GSE1: variants seen among roughly 807,000 people sequenced by gnomAD.
GSE1 encodes the protein Gse1 coiled-coil protein, also known as genetic suppressor element 1.
GSE1 carries 32 observed loss-of-function variants against 112.6 expected under a neutral mutation model. The observed-to-expected ratio is 0.28, with a 90% CI of 0.21 to 0.38. The LOEUF is 0.38. GSE1 is among the 10% of genes least tolerant of loss of function. The pLI is 1.00. For missense variants in GSE1, 2,348 were observed against 1,699.2 expected (o/e 1.38, Z -6.71); for synonymous variants, 1,115 against 735.6 (o/e 1.52, Z -8.35).
At chr16:85,526,892 T>C (rs1201919329) in intron 2 of GSE1, among the ~76,000 whole-genome samples, 1 of 152,204 alleles carries the variant, frequency 6.6e-6, no homozygotes, top group Non-Finnish European at 1.5e-5. Context: ...CATGGCCAAT[T>C]TTGTTCAGGA....
At chr16:85,520,365 T>C (rs1052092133) in intron 2 of GSE1, among the ~76,000 whole-genome samples, 4 of 151,050 alleles carry the variant, frequency 2.6e-5, no homozygotes, top group Admixed American at 2.6e-4. Context: ...AACATTTGGA[T>C]TGTAGCAGAC....
chr16:85,394,667 CT>C (rs1162125256), intron 2 of GSE1, among the ~76,000 whole-genome samples: 1 of 152,218 alleles, frequency 6.6e-6, no homozygotes, highest in Admixed American at 6.5e-5. Flanking sequence ...GCGTCTCCCC[CT>C]GAAAGCCCTG....
chr16:85,219,750 C>G (rs927990651), intron 1 of GSE1, among the ~76,000 whole-genome samples: 2 of 152,230 alleles, frequency 1.3e-5, no homozygotes, highest in Admixed American at 6.5e-5. Flanking sequence ...GCCCCTCCTT[C>G]CCCCTTCTGC....
At position 85,198,049 on chromosome 16, in the gene GSE1, C is replaced by A. The variant is rs138084855; in HGVS notation, c.2283+26242C>A. Among the ~76,000 whole-genome samples the A allele has an allele frequency of 1.2e-4, 18 of 152,250 alleles. No homozygotes were observed. In the East Asian group the frequency reaches 3.5e-3, roughly 29 times the overall value. On this transcript the variant is annotated intron_variant, in intron 1 of 2. Transcript: ENST00000637419. ...ACCCCTTGGTTGGGCGAGTCCTGTTCCAGCAGAGGGTGGCCAGGACGTGCA... is the reference window on the plus strand; with the variant it reads ...ACCCCTTGGTTGGGCGAGTCCTGTTACAGCAGAGGGTGGCCAGGACGTGCA...
At chr16:85,601,049 C>A (rs965398137) in intron 1 of GSE1, among the ~76,000 whole-genome samples, 2 of 151,942 alleles carry the variant, frequency 1.3e-5, no homozygotes, top group African/African-American at 2.4e-5. Flanking sequence ...CTGGAGGAGG[C>A]AGAATTTTAA....
At chr16:85,324,685 G>A (rs1409005922) in intron 1 of GSE1, among the ~76,000 whole-genome samples, 1 of 152,138 alleles carries the variant, frequency 6.6e-6, no homozygotes, top group East Asian at 1.9e-4. Flanking sequence ...GTATGACTGG[G>A]CCATAAAAGG....
chr16:85,640,039 C>T (rs545277526), intron 2 of GSE1, among the ~76,000 whole-genome samples: 1 of 152,316 alleles, frequency 6.6e-6, no homozygotes, highest in East Asian at 1.9e-4. Context: ...AGGGTGGCTC[C>T]AGAGCCTTCC....
intron 1 of GSE1, among the ~76,000 whole-genome samples, chr16:85,309,878 G>A (rs914301611): frequency 1.3e-5 from 2 of 152,256 alleles, no homozygotes; most frequent in Non-Finnish European, 2.9e-5. Flanking sequence ...AGCTGGCGAA[G>A]TGGCGGGCGC....
chr16:85,467,807 A>G (rs564504866), intron 2 of GSE1, among the ~76,000 whole-genome samples: 5 of 152,350 alleles, frequency 3.3e-5, no homozygotes, highest in African/African-American at 1.2e-4. Context: ...GATGTTTTTC[A>G]GGACTGCCAC....
intron 2 of GSE1, among the ~76,000 whole-genome samples, chr16:85,455,022 T>C (rs548723160): frequency 6.6e-6 from 1 of 152,354 alleles, no homozygotes; most frequent in East Asian, 1.9e-4. Flanking sequence ...GCACCTTATG[T>C]TCTGTTTCCT....
intron 2 of GSE1, among the ~76,000 whole-genome samples, chr16:85,387,325 G>A (rs888947220): frequency 2.6e-5 from 4 of 152,176 alleles, no homozygotes; most frequent in African/African-American, 9.7e-5. Flanking sequence ...TGGAACGCTG[G>A]GAGTGCTGCG....
At chr16:85,249,659 G>T (rs1402305520) in intron 1 of GSE1, among the ~76,000 whole-genome samples, 1 of 152,200 alleles carries the variant, frequency 6.6e-6, no homozygotes, top group Non-Finnish European at 1.5e-5. Flanking sequence ...AGCTGCTCTG[G>T]GGCAGGCCTG....
At chr16:85,215,404 G>C (rs537744198) in intron 1 of GSE1, among the ~76,000 whole-genome samples, 1 of 152,272 alleles carries the variant, frequency 6.6e-6, no homozygotes, top group East Asian at 1.9e-4. Context: ...CACTCAGAAG[G>C]GGAAGGGTTG....
chr16:85,385,932 T>C (rs910773158), intron 2 of GSE1, among the ~76,000 whole-genome samples: 2 of 152,182 alleles, frequency 1.3e-5, no homozygotes, highest in African/African-American at 4.8e-5. Context: ...TATGGGGTGC[T>C]TTCAGGCCTG....
At chr16:85,208,889 G>C (rs1244026839) in intron 1 of GSE1, among the ~76,000 whole-genome samples, 1 of 126,024 alleles carries the variant, frequency 7.9e-6, no homozygotes, top group African/African-American at 2.9e-5. Context: ...CCACGTGTTG[G>C]GGTTTGCCGT....
chr16:85,330,497 C>T (rs2046314669), intron 1 of GSE1, among the ~76,000 whole-genome samples: 2 of 152,198 alleles, frequency 1.3e-5, no homozygotes, highest in South Asian at 2.1e-4. Context: ...AGCCATTGTT[C>T]GTGGTCGCAT....
intron 2 of GSE1, among the ~76,000 whole-genome samples, chr16:85,414,529 C>G (rs1258516641): frequency 6.6e-6 from 1 of 152,240 alleles, no homozygotes; most frequent in African/African-American, 2.4e-5. Flanking sequence ...GGTCCCAACA[C>G]CCACGCTCAG....
intron 1 of GSE1, among the ~76,000 whole-genome samples, chr16:85,614,342 C>T (rs2048228316): frequency 6.6e-6 from 1 of 152,094 alleles, no homozygotes; most frequent in African/African-American, 2.4e-5. Context: ...GCCTCTCTAG[C>T]AGGCTAATTA....
chr16:85,259,117 G>A (rs1295976315), intron 1 of GSE1, among the ~76,000 whole-genome samples: 1 of 152,184 alleles, frequency 6.6e-6, no homozygotes, highest in Non-Finnish European at 1.5e-5. Context: ...AAGGGAGGAG[G>A]AGGGTTCTGC....
Sources: allele counts gnomAD v4.1 joint callset (sites outside exome capture counted in the v4.1 genomes callset), GRCh38; gene constraint gnomAD v4.1.1; transcripts MANE v1.5; gene names NCBI Gene and HGNC (gene_info 2026-07-23, HGNC 2026-07-21).